The following ADAMTS19 variants were observed in gnomAD, a reference collection of about 807,000 sequenced individuals.
The protein encoded by ADAMTS19 is ADAM metallopeptidase with thrombospondin type 1 motif 19.
In ADAMTS19, 93 loss-of-function variants were observed where a neutral mutation model predicts 153.3. The observed-to-expected ratio is 0.61, with a 90% CI of 0.51 to 0.72. The LOEUF is 0.72. ADAMTS19 is among the 30% of genes least tolerant of loss of function. The probability of loss-of-function intolerance (pLI) is 0.00; values close to 1 mark genes in which losing one functional copy is unlikely to be tolerated. For missense variants in ADAMTS19, 1,482 were observed against 1,552.1 expected (o/e 0.95, Z 0.76); for synonymous variants, 600 against 556.6 (o/e 1.08, Z -1.10).
intron 3 of ADAMTS19, among the ~76,000 whole-genome samples, chr5:129,516,771 A>AT (rs914142511): frequency 7.1e-6 from 1 of 141,758 alleles, no homozygotes; most frequent in Non-Finnish European, 1.6e-5. Context: ...TTTTTTTTGT[A>AT]TTTTTTATTT....
chr5:129,539,025 TAC>T (rs1438006918), intron 6 of ADAMTS19, among the ~76,000 whole-genome samples: 1 of 152,156 alleles, frequency 6.6e-6, no homozygotes, highest in Non-Finnish European at 1.5e-5. Flanking sequence ...TTTCATGCTA[TAC>T]ACAGTTTTCT....
intron 21 of ADAMTS19, among the ~76,000 whole-genome samples, chr5:129,719,493 T>C (rs1250228016): frequency 6.6e-6 from 1 of 152,200 alleles, no homozygotes; most frequent in Non-Finnish European, 1.5e-5. Flanking sequence ...TAGTTAATAA[T>C]TTTAAACTTT....
intron 10 of ADAMTS19, among the ~76,000 whole-genome samples, chr5:129,632,930 C>T (rs893040472): frequency 6.6e-6 from 1 of 152,058 alleles, no homozygotes; most frequent in African/African-American, 2.4e-5. Context: ...AAATCTATGC[C>T]TTTTCTCAAA....
intron 3 of ADAMTS19, among the ~76,000 whole-genome samples, chr5:129,522,312 T>TACAC (rs1301413340): frequency 6.3e-5 from 6 of 95,302 alleles, no homozygotes; most frequent in African/African-American, 3.5e-4. Flanking sequence ...TATATATATA[T>TACAC]ATATACACAC....
At chr5:129,474,234 T>C (rs549009239) in intron 2 of ADAMTS19, among the ~76,000 whole-genome samples, 2 of 152,146 alleles carry the variant, frequency 1.3e-5, no homozygotes, top group South Asian at 4.1e-4. Flanking sequence ...TATCAGTAGT[T>C]CATTCTTTTT....
chr5:129,471,144 T>G (rs1211435443), intron 2 of ADAMTS19, among the ~76,000 whole-genome samples: 2 of 151,998 alleles, frequency 1.3e-5, no homozygotes, highest in African/African-American at 4.8e-5. Context: ...AGAGGAAGTC[T>G]CTATTAAAAA....
rs190242078 is a variant in ADAMTS19 at position 129,573,273 on chromosome 5, T to G, written c.1372+21366T>G. ...GTTTCTGTGTTCAAATACATTGTTT[T>G]AGAAATTCCAAGTGGAGAGCTATTT... is the stretch of plus-strand genomic sequence containing the variant. On this transcript the variant is annotated intron_variant, in intron 7 of 22. Coordinates refer to ENST00000274487, the MANE Select transcript of ADAMTS19 (RefSeq NM_133638.6). Among the ~76,000 whole-genome samples the G allele has an allele frequency of 2.2e-3, 333 of 152,220 alleles. 1 individual carries two copies. The highest frequency in any genetic ancestry group is 6.8e-3 in the Middle Eastern group (2 of 294).
At chr5:129,623,184 C>T (rs1321888586) in intron 10 of ADAMTS19, among the ~76,000 whole-genome samples, 2 of 152,072 alleles carry the variant, frequency 1.3e-5, no homozygotes, top group Non-Finnish European at 2.9e-5. Context: ...AATGGTAAAG[C>T]AGTGTTTATG....
At chr5:129,736,930 T>TA (rs1757691193) in intron 22 of ADAMTS19, 137 bp from the exon 23 acceptor site, 1 of 721,476 alleles carries the variant, frequency 1.4e-6, no homozygotes, top group African/African-American at 1.8e-5. Flanking sequence ...TATCTCTTTC[T>TA]TGTTTAAATT....
intron 21 of ADAMTS19, among the ~76,000 whole-genome samples, chr5:129,710,873 G>GT (rs1370862898): frequency 6.6e-6 from 1 of 152,128 alleles, no homozygotes; most frequent in Admixed American, 6.5e-5. Context: ...GATGTCTAAT[G>GT]TTTTTTGCTT....
chr5:129,606,588 A>G (rs1473238298), intron 8 of ADAMTS19, among the ~76,000 whole-genome samples: 1 of 152,200 alleles, frequency 6.6e-6, no homozygotes, highest in African/African-American at 2.4e-5. Flanking sequence ...TTGTGGTCCT[A>G]ACCTTCATGT....
chr5:129,689,095 G>A (rs972216775), intron 18 of ADAMTS19, among the ~76,000 whole-genome samples: 3 of 152,110 alleles, frequency 2.0e-5, no homozygotes, highest in Non-Finnish European at 4.4e-5. Context: ...AAAATAGAAT[G>A]AGGACCCCAA....
At chr5:129,565,622 A>G (rs1161437918) in intron 7 of ADAMTS19, among the ~76,000 whole-genome samples, 2 of 152,160 alleles carry the variant, frequency 1.3e-5, no homozygotes, top group East Asian at 3.8e-4. Context: ...TATTCTTTAA[A>G]TGTTTTCCTT....
chr5:129,460,498 A>G lies in ADAMTS19; in HGVS notation c.91+16A>G, dbSNP rs1749610551. 1 of 1,613,950 alleles carries G rather than the reference A, an allele frequency of 6.2e-7. No individual in the cohort carries two copies. The highest frequency in any genetic ancestry group is 2.2e-5 in the East Asian group (1 of 44,854). On this transcript the variant is annotated intron_variant, in intron 1 of 22. Coordinates refer to ENST00000274487, the MANE Select transcript of ADAMTS19 (RefSeq NM_133638.6). ...ATCGTTTCAGGTAAGTTCTTCCGTG[A>G]CTTTCTCGCTTCCTTTCCAGCCATC...
chr5:129,704,191 A>G, intron 20 of ADAMTS19, 48 bp from the exon 21 acceptor site: 1 of 1,585,246 alleles, frequency 6.3e-7, no homozygotes, highest in Admixed American at 1.8e-5. Context: ...TATCATCTAT[A>G]TCTCCAATTC....
intron 6 of ADAMTS19, among the ~76,000 whole-genome samples, chr5:129,539,261 A>G (rs1284112144): frequency 2.0e-5 from 3 of 152,210 alleles, no homozygotes; most frequent in South Asian, 2.1e-4. Context: ...TGTAATCACA[A>G]GAGTCCTAAA....
At chr5:129,616,293 T>G (rs1751522391) in intron 8 of ADAMTS19, among the ~76,000 whole-genome samples, 1 of 152,036 alleles carries the variant, frequency 6.6e-6, no homozygotes, top group Non-Finnish European at 1.5e-5. Context: ...TATAATCTAC[T>G]TCCAGTAAGA....
chr5:129,492,171 G>A (rs1750790315), intron 2 of ADAMTS19, among the ~76,000 whole-genome samples: 1 of 152,170 alleles, frequency 6.6e-6, no homozygotes, highest in Non-Finnish European at 1.5e-5. Context: ...GCGAAAGCAG[G>A]AGCAAGAAGA....
intron 21 of ADAMTS19, among the ~76,000 whole-genome samples, chr5:129,726,612 C>A (rs892529424): frequency 5.3e-5 from 8 of 152,082 alleles, no homozygotes; most frequent in Non-Finnish European, 1.0e-4. Flanking sequence ...TACTCATTTG[C>A]CCCCTTGTTA....
Sources: allele counts gnomAD v4.1 joint callset (sites outside exome capture counted in the v4.1 genomes callset), GRCh38; gene constraint gnomAD v4.1.1; transcripts MANE v1.5; gene names NCBI Gene and HGNC (gene_info 2026-07-23, HGNC 2026-07-21).